NECAB2: variants seen among roughly 807,000 people sequenced by gnomAD.
NECAB2 encodes the protein N-terminal EF-hand calcium-binding protein 2.
A neutral mutation model predicts 51.9 loss-of-function variants in NECAB2; 68 were observed. That is an observed-to-expected ratio of 1.31 (90% CI 1.08 to 1.60). The LOEUF (loss-of-function observed/expected upper bound fraction) is 1.60, where lower values mean the gene tolerates loss of function less well. Among genes scored for constraint, NECAB2 ranks in the 40% most tolerant of loss-of-function variants. NECAB2 has a pLI of 0.00. For missense variants in NECAB2, 854 were observed against 490.3 expected (o/e 1.74, Z -7.00); for synonymous variants, 329 against 203.5 (o/e 1.62, Z -5.25).
chr16:83,986,500 A>T (rs1327130400), intron 5 of NECAB2, among the ~76,000 whole-genome samples: 2 of 152,140 alleles, frequency 1.3e-5, no homozygotes, highest in African/African-American at 4.8e-5. Context: ...AGTGCCAGAC[A>T]AACTTCCTGT....
At chr16:83,997,171 A>G in intron 8 of NECAB2, 45 bp from the exon 9 acceptor site, 1 of 1,612,866 alleles carries the variant, frequency 6.2e-7, no homozygotes, top group Non-Finnish European at 8.5e-7. Flanking sequence ...CCCGGGGCGG[A>G]GTGGGGCTCT....
rs895516606 is a variant in NECAB2, at chr16:83,968,592, G to A, written c.-57G>A. On this transcript the variant is annotated 5_prime_UTR_variant, in exon 1 of 13. Transcript: ENST00000305202. Reference sequence around the variant, plus strand: ...GCGGGGAGGGGGTCGCGCGGGGGCGGGCCGCAGCTGGGCGGGGGTCGGCGG... The same window carrying A: ...GCGGGGAGGGGGTCGCGCGGGGGCGAGCCGCAGCTGGGCGGGGGTCGGCGG... 8.7e-5 allele frequency: 84 copies of A among 968,652 alleles called. No individual in the cohort carries two copies. The highest frequency in any genetic ancestry group is 1.0e-4 in the Non-Finnish European group (82 of 818,236). 60.0% of individuals were successfully genotyped at this position (968,652 alleles called of 1,614,324 possible).
intron 1 of NECAB2, among the ~76,000 whole-genome samples, chr16:83,969,127 G>A (rs1211019970): frequency 2.6e-5 from 4 of 151,206 alleles, no homozygotes; most frequent in Non-Finnish European, 5.9e-5. Flanking sequence ...GGAGCCGTGA[G>A]CCCCCGGACC....
intron 10 of NECAB2, among the ~76,000 whole-genome samples, chr16:83,998,987 T>G (rs562311466): frequency 6.6e-6 from 1 of 152,256 alleles, no homozygotes; most frequent in Admixed American, 6.5e-5. Flanking sequence ...GCCCCCCGTT[T>G]CTGCAGCAAG....
chr16:83,983,009 C>T (rs973439288), intron 5 of NECAB2, among the ~76,000 whole-genome samples: 1 of 151,906 alleles, frequency 6.6e-6, no homozygotes, highest in African/African-American at 2.4e-5. Flanking sequence ...GCTGGGACTA[C>T]AGGCGCCCAC....
chr16:83,990,409 C>G (rs2084607208), intron 5 of NECAB2, 85 bp from the exon 6 acceptor site: 1 of 1,530,972 alleles, frequency 6.5e-7, no homozygotes. Flanking sequence ...CCAGCACCAG[C>G]TTTCCCCCAA....
At chr16:83,978,408 AG>A (rs1455244875) in intron 2 of NECAB2, 35 bp from the exon 3 acceptor site, 1 of 1,582,022 alleles carries the variant, frequency 6.3e-7, no homozygotes, top group Non-Finnish European at 8.7e-7. Context: ...TTATCTCTGC[AG>A]ACACCAGCTC....
At chr16:83,975,788 G>C (rs958348490) in intron 2 of NECAB2, among the ~76,000 whole-genome samples, 6 of 152,174 alleles carry the variant, frequency 3.9e-5, no homozygotes, top group Non-Finnish European at 4.4e-5. Flanking sequence ...TGGAGACAGA[G>C]AGTGAGTTTG....
In NECAB2 at chr16:84,000,761, G is replaced by T. The variant is rs756751410; in HGVS notation, c.1000G>T (p.Val334Phe). The change falls in exon 11 of 13, where the codon GTC (valine) becomes TTC (phenylalanine). Residue 334 changes from valine to phenylalanine, a missense_variant. Coordinates refer to ENST00000305202, the MANE Select transcript of NECAB2 (RefSeq NM_019065.3). ...GAGGCTCTCAGATGGCTTCACCTTT[G>T]TCATCTATGAGTTCTGGGAGACAGA... ...AVRLSDGFTF[V>F]IYEFWETEEA... 6.2e-7 allele frequency: 1 copy of T among 1,613,872 alleles called. No homozygotes were observed. The highest frequency in any genetic ancestry group is 2.2e-5 in the East Asian group (1 of 44,874).
chr16:83,994,632 G>C lies in NECAB2; in HGVS notation c.739G>C (p.Gly247Arg), dbSNP rs779895020. 1.2e-6 allele frequency: 2 copies of C among 1,614,012 alleles called. No individual in the cohort carries two copies. The highest frequency in any genetic ancestry group is 2.7e-5 in the African/African-American group (2 of 74,926). Residue 247 changes from glycine to arginine, a missense_variant, in exon 8 of 13, where the codon GGT becomes CGT. By Grantham distance (125) the Gly-to-Arg change is moderately radical. Transcript: ENST00000305202. ...PSATEDAKEE[G>R]LEAQISRLAE... ...AGCCACGGAGGATGCAAAGGAAGAG[G>C]GTCTGGAAGCCCAGATCAGCCGCTT...
At chr16:83,997,355 C>G in intron 9 of NECAB2, 86 bp downstream of exon 9, 24 of 1,527,200 alleles carry the variant, frequency 1.6e-5, no homozygotes, top group Non-Finnish European at 1.6e-5. Flanking sequence ...ATGCCCCTGA[C>G]CCCGCTCTCC....
chr16:83,991,449 G>A (rs1023659022), intron 6 of NECAB2, among the ~76,000 whole-genome samples: 11 of 134,086 alleles, frequency 8.2e-5, no homozygotes, highest in African/African-American at 2.4e-4. Flanking sequence ...TCACTGCAAC[G>A]TCCGCCTCCC....
chr16:83,997,154 C>T (rs1297752894), intron 8 of NECAB2, 62 bp from the exon 9 acceptor site: 1 of 1,606,946 alleles, frequency 6.2e-7, no homozygotes. Context: ...CCCAGAGCTC[C>T]TGGCTCCCCG....
chr16:83,996,340 A>C (rs988401618), intron 8 of NECAB2, among the ~76,000 whole-genome samples: 3 of 152,210 alleles, frequency 2.0e-5, no homozygotes, highest in Non-Finnish European at 4.4e-5. Context: ...TACCCTTGCC[A>C]GGATCAGCTA....
chr16:84,000,103 G>T (rs932561550), intron 10 of NECAB2, among the ~76,000 whole-genome samples: 1 of 151,852 alleles, frequency 6.6e-6, no homozygotes, highest in African/African-American at 2.4e-5. Context: ...TGTTGGCTAG[G>T]CTGGTCTTGA....
chr16:83,998,415 A>C (rs767856311), intron 10 of NECAB2, 98 bp downstream of exon 10: 1 of 1,149,520 alleles, frequency 8.7e-7, no homozygotes, highest in South Asian at 1.4e-5. Context: ...AAGTAGTACA[A>C]GTTGCACCCC....
rs200837703 is a variant in NECAB2 at position 83,998,266 on chromosome 16, A to G, written c.911A>G (p.Asp304Gly). ...VCPEQLSEFL[D>G]SLRQYLRGTT... ...CCCGAGCAACTGAGCGAGTTTCTGG[A>G]CTCTCTGCGCCAGTATCTGCGGGGG... is the stretch of plus-strand genomic sequence containing the variant. The change falls in exon 10 of 13, where the codon GAC becomes GGC. Residue 304 changes from aspartate (D) to glycine (G), a missense_variant. Transcript: ENST00000305202. 1 of 1,613,106 alleles carries G rather than the reference A, an allele frequency of 6.2e-7. No homozygotes were observed. Among genetic ancestry groups the G allele is most frequent in the Non-Finnish European group, 8.5e-7 (1 of 1,179,952 alleles).
At position 83,994,600 on chromosome 16, in the gene NECAB2, C is replaced by T. The variant is rs762935428; in HGVS notation, c.716-9C>T. On this transcript the variant is annotated splice_polypyrimidine_tract_variant and intron_variant, in intron 7 of 12. Coordinates refer to ENST00000305202, the MANE Select transcript of NECAB2 (RefSeq NM_019065.3). ...CACTGAAGTCTGTGTGTCTCTTTCT[C>T]TACCGCAGCCACGGAGGATGCAAAG... 5.0e-6 allele frequency: 8 copies of T among 1,613,958 alleles called. No homozygotes were observed. In the Admixed American group the frequency reaches 6.7e-5, roughly 13 times the overall value.
intron 8 of NECAB2, 111 bp from the exon 9 acceptor site, chr16:83,997,105 A>G: frequency 7.8e-7 from 1 of 1,289,824 alleles, no homozygotes; most frequent in Admixed American, 1.9e-5. Context: ...CCTGTGCAAC[A>G]GGGCCGGGTC....
Sources: gnomAD v4.1 joint callset for allele counts (sites outside exome capture counted in the v4.1 genomes callset) on GRCh38, gnomAD v4.1.1 for gene constraint, MANE v1.5 for transcripts, NCBI Gene and HGNC (gene_info 2026-07-23, HGNC 2026-07-21) for gene names.